LRRC28: variants seen among roughly 807,000 people sequenced by gnomAD.
LRRC28 encodes leucine rich repeat containing 28, also known as leucine-rich repeat-containing protein 28.
LRRC28 carries 39 observed loss-of-function variants against 45.7 expected under a neutral mutation model. The observed-to-expected ratio is 0.85, with a 90% CI of 0.66 to 1.12. The LOEUF is 1.12. LRRC28 is among the 50% of genes most tolerant of loss of function. The pLI, the probability that LRRC28 is intolerant of heterozygous loss-of-function variation, is 0.00. For synonymous variants in LRRC28, 206 were observed against 178.8 expected, an observed-to-expected ratio of 1.15 and a Z score of -1.22; for missense variants, 435 against 438.5, an observed-to-expected ratio of 0.99 and a Z score of 0.07.
intron 9 of LRRC28, among the ~76,000 whole-genome samples, chr15:99,382,475 T>A (rs1342779984): frequency 6.6e-6 from 1 of 152,260 alleles, no homozygotes; most frequent in Non-Finnish European, 1.5e-5. Flanking sequence ...TTTGTTTTAT[T>A]TCTCTTCAGA....
intron 6 of LRRC28, among the ~76,000 whole-genome samples, chr15:99,340,045 A>C (rs941972180): frequency 6.6e-6 from 1 of 152,270 alleles, no homozygotes; most frequent in Non-Finnish European, 1.5e-5. Flanking sequence ...TTATAGAAGA[A>C]TTTTAGTGGA....
At chr15:99,257,194 T>C (rs1011834715) in intron 2 of LRRC28, among the ~76,000 whole-genome samples, 3 of 152,242 alleles carry the variant, frequency 2.0e-5, no homozygotes, top group African/African-American at 2.4e-5. Flanking sequence ...TCTTTTGTGA[T>C]TGGCATATTG....
chr15:99,350,706 TGAG>T (rs760774890), intron 6 of LRRC28, among the ~76,000 whole-genome samples: 8 of 152,340 alleles, frequency 5.3e-5, no homozygotes, highest in South Asian at 4.1e-4. Context: ...TAAAGAAAGA[TGAG>T]GAGGAGGAGC....
At chr15:99,334,158 C>G (rs7177149) in intron 6 of LRRC28, 29 bp downstream of exon 6, 2 of 1,610,214 alleles carry the variant, frequency 1.2e-6, no homozygotes, top group African/African-American at 2.7e-5. Context: ...AGTAAAGCAG[C>G]CAAAGAATAA....
intron 3 of LRRC28, among the ~76,000 whole-genome samples, chr15:99,280,181 G>A (rs2081743305): frequency 6.6e-6 from 1 of 151,676 alleles, no homozygotes; most frequent in Non-Finnish European, 1.5e-5. Context: ...AGTTTTAAGA[G>A]TTCTTTGTAA....
chr15:99,277,484 A>T lies in LRRC28; in HGVS notation c.209+868A>T, dbSNP rs535553212. Among the ~76,000 whole-genome samples, 11 of 152,218 alleles carry T rather than the reference A, an allele frequency of 7.2e-5. No individual in the cohort carries two copies. The South Asian group carries it at 8.3e-4, about 11-fold the overall frequency. On this transcript the variant is annotated intron_variant, in intron 3 of 9. Transcript: ENST00000301981. ...CCCCTCCCCCAAGCTGAATGATTTG[A>T]AGGTAAATTACAGACATAATGTCAT...
At chr15:99,378,712 C>T (rs933153822) in intron 9 of LRRC28, among the ~76,000 whole-genome samples, 3 of 152,076 alleles carry the variant, frequency 2.0e-5, no homozygotes, top group African/African-American at 7.2e-5. Flanking sequence ...GAGATACATC[C>T]CATCAATACC....
chr15:99,279,964 T>C (rs956078194), intron 3 of LRRC28, among the ~76,000 whole-genome samples: 1 of 152,212 alleles, frequency 6.6e-6, no homozygotes, highest in Non-Finnish European at 1.5e-5. Context: ...CCGCACATCT[T>C]ACCAGCATTT....
chr15:99,382,863 C>G (rs1406636448), intron 9 of LRRC28, among the ~76,000 whole-genome samples: 1 of 151,878 alleles, frequency 6.6e-6, no homozygotes, highest in African/African-American at 2.4e-5. Flanking sequence ...AATTTTCTAT[C>G]TAGTATATCA....
intron 3 of LRRC28, among the ~76,000 whole-genome samples, chr15:99,278,081 A>G (rs1460875836): frequency 6.6e-6 from 1 of 152,190 alleles, no homozygotes; most frequent in Non-Finnish European, 1.5e-5. Context: ...GATTCTCTAT[A>G]GAGTTTTCCA....
intron 3 of LRRC28, chr15:99,285,298 A>C (rs923131582): frequency 2.7e-6 from 2 of 739,218 alleles, no homozygotes; most frequent in African/African-American, 3.4e-5. Flanking sequence ...GTCTTTGAGA[A>C]TCTTCTCTTG....
At chr15:99,274,977 A>G (rs2081577551) in intron 2 of LRRC28, among the ~76,000 whole-genome samples, 1 of 152,034 alleles carries the variant, frequency 6.6e-6, no homozygotes, top group African/African-American at 2.4e-5. Context: ...ATTGATACAC[A>G]GTTTACCCTA....
intron 6 of LRRC28, among the ~76,000 whole-genome samples, chr15:99,340,417 C>G (rs2152302771): frequency 6.6e-6 from 1 of 152,296 alleles, no homozygotes; most frequent in East Asian, 1.9e-4. Context: ...CTTAGAAAGT[C>G]AGGAAAAGAA....
At chr15:99,354,564 T>G (rs1191794278) in intron 7 of LRRC28, among the ~76,000 whole-genome samples, 1 of 152,206 alleles carries the variant, frequency 6.6e-6, no homozygotes, top group East Asian at 1.9e-4. Context: ...ACACGAATTT[T>G]GGTCCAGTTG....
chr15:99,312,481 C>T (rs1268522095), intron 5 of LRRC28, among the ~76,000 whole-genome samples: 3 of 152,184 alleles, frequency 2.0e-5, no homozygotes, highest in African/African-American at 7.2e-5. Flanking sequence ...CTTTTTCCTG[C>T]ACTATCTCCT....
intron 2 of LRRC28, chr15:99,257,521 A>G (rs1291245231): frequency 2.3e-6 from 1 of 427,012 alleles, no homozygotes; most frequent in Admixed American, 3.8e-5. Flanking sequence ...TAAAAGTTAA[A>G]TTTGTGGGCG....
chr15:99,357,785 T>C (rs1231075708), intron 7 of LRRC28, among the ~76,000 whole-genome samples: 19 of 152,144 alleles, frequency 1.2e-4, no homozygotes, highest in Admixed American at 1.2e-3. Flanking sequence ...ATTATATTGG[T>C]ATGTTAAGAG....
At chr15:99,317,109 A>G (rs916758867) in intron 5 of LRRC28, among the ~76,000 whole-genome samples, 2 of 151,924 alleles carry the variant, frequency 1.3e-5, no homozygotes, top group East Asian at 1.9e-4. Flanking sequence ...GCCAGTGACC[A>G]TGAGTATTAG....
chr15:99,335,705 C>T (rs1447668949), intron 6 of LRRC28, among the ~76,000 whole-genome samples: 2 of 152,052 alleles, frequency 1.3e-5, no homozygotes, highest in Non-Finnish European at 2.9e-5. Flanking sequence ...TTCACCCCCT[C>T]TCCTTGTGGT....
Sources: gnomAD v4.1 joint callset for allele counts (sites outside exome capture counted in the v4.1 genomes callset) on GRCh38, gnomAD v4.1.1 for gene constraint, MANE v1.5 for transcripts, NCBI Gene and HGNC (gene_info 2026-07-23, HGNC 2026-07-21) for gene names.